Variants in KCTD8 observed in about 807,000 individuals in gnomAD.
The protein encoded by KCTD8 is BTB/POZ domain-containing protein KCTD8.
In KCTD8, 27 loss-of-function variants were observed where a neutral mutation model predicts 31.5. The ratio of observed to expected loss-of-function variants is 0.86; its 90% CI spans 0.63 to 1.18. KCTD8 has a LOEUF of 1.18. Ranked by LOEUF, KCTD8 falls within the 50% of genes most tolerant of loss-of-function variation. The pLI is 0.00. For synonymous variants in KCTD8, 290 were observed against 280.0 expected, an observed-to-expected ratio of 1.04 and a Z score of -0.36; for missense variants, 658 against 647.7, an observed-to-expected ratio of 1.02 and a Z score of -0.17.
chr4:44,312,478 G>A (rs1433702524), intron 1 of KCTD8, among the ~76,000 whole-genome samples: 2 of 151,734 alleles, frequency 1.3e-5, no homozygotes, highest in Non-Finnish European at 2.9e-5. Context: ...TCTAATGCAA[G>A]AGTAAATAAA....
chr4:44,313,133 A>G (rs1158407991), intron 1 of KCTD8, among the ~76,000 whole-genome samples: 5 of 152,152 alleles, frequency 3.3e-5, no homozygotes, highest in Non-Finnish European at 7.4e-5. Context: ...ATGTATTCTG[A>G]AGAACTCCAT....
chr4:44,371,907 T>C (rs1719796291), intron 1 of KCTD8, among the ~76,000 whole-genome samples: 2 of 152,210 alleles, frequency 1.3e-5, no homozygotes, highest in African/African-American at 4.8e-5. Flanking sequence ...AGCCTTGTTT[T>C]CTTTCCATCC....
chr4:44,199,824 T>C (rs1390919007), intron 1 of KCTD8, among the ~76,000 whole-genome samples: 1 of 151,308 alleles, frequency 6.6e-6, no homozygotes, highest in Non-Finnish European at 1.5e-5. Context: ...TGAATGAAAC[T>C]GAGATGCAAA....
intron 1 of KCTD8, among the ~76,000 whole-genome samples, chr4:44,221,228 A>G (rs1230195448): frequency 6.6e-6 from 1 of 152,152 alleles, no homozygotes; most frequent in Non-Finnish European, 1.5e-5. Flanking sequence ...TTAAGCTTTG[A>G]CAGCCCAGGA....
At chr4:44,438,911 A>C (rs1577672651) in intron 1 of KCTD8, among the ~76,000 whole-genome samples, 1 of 152,210 alleles carries the variant, frequency 6.6e-6, no homozygotes, top group African/African-American at 2.4e-5. Flanking sequence ...TCCTCATAAC[A>C]AAGCTTTAAA....
intron 1 of KCTD8, among the ~76,000 whole-genome samples, chr4:44,433,992 A>G (rs1721577259): frequency 6.6e-6 from 1 of 151,868 alleles, no homozygotes; most frequent in African/African-American, 2.4e-5. Context: ...ACATTCTGAT[A>G]TAAAATCCTT....
chr4:44,359,564 GTAAAA>G (rs1364256072), intron 1 of KCTD8, among the ~76,000 whole-genome samples: 6 of 152,090 alleles, frequency 3.9e-5, no homozygotes, highest in Non-Finnish European at 5.9e-5. Flanking sequence ...TTGTACTGAA[GTAAAA>G]TAAAATTCAG....
At chr4:44,420,470 C>G (rs1017515784) in intron 1 of KCTD8, among the ~76,000 whole-genome samples, 1 of 152,146 alleles carries the variant, frequency 6.6e-6, no homozygotes, top group African/African-American at 2.4e-5. Flanking sequence ...AGAGGCCATA[C>G]AGACTTGGTC....
At chr4:44,249,833 A>T (rs2109360870) in intron 1 of KCTD8, among the ~76,000 whole-genome samples, 1 of 149,630 alleles carries the variant, frequency 6.7e-6, no homozygotes, top group Admixed American at 6.7e-5. Context: ...CTCTACTAGT[A>T]TATTACAGAT....
At chr4:44,253,369 C>T (rs928419601) in intron 1 of KCTD8, among the ~76,000 whole-genome samples, 3 of 151,614 alleles carry the variant, frequency 2.0e-5, no homozygotes, top group Non-Finnish European at 4.4e-5. Flanking sequence ...TAATAAATTA[C>T]AATTTTGAAA....
At chr4:44,182,137 G>A (rs541292165) in intron 1 of KCTD8, among the ~76,000 whole-genome samples, 1,980 of 150,586 alleles carry the variant, frequency 0.013, 43 homozygotes, top group African/African-American at 0.044. Flanking sequence ...GTCAGCCCCC[G>A]CCCGGCCAGC....
chr4:44,419,500 A>T (rs1264371834), intron 1 of KCTD8, among the ~76,000 whole-genome samples: 1 of 152,176 alleles, frequency 6.6e-6, no homozygotes, highest in Non-Finnish European at 1.5e-5. Context: ...TATGGGGTAC[A>T]TGTGCCACAT....
intron 1 of KCTD8, among the ~76,000 whole-genome samples, chr4:44,229,199 AG>A (rs2109351659): frequency 6.6e-6 from 1 of 152,248 alleles, no homozygotes; most frequent in African/African-American, 2.4e-5. Flanking sequence ...GAGGCAGGAG[AG>A]GGCTCTCCCC....
intron 1 of KCTD8, among the ~76,000 whole-genome samples, chr4:44,380,887 T>A (rs1720047117): frequency 6.6e-6 from 1 of 152,036 alleles, no homozygotes; most frequent in Non-Finnish European, 1.5e-5. Context: ...CCACAAAATG[T>A]GAAGACTCTC....
intron 1 of KCTD8, among the ~76,000 whole-genome samples, chr4:44,440,550 G>A (rs937302096): frequency 1.3e-5 from 2 of 152,134 alleles, no homozygotes; most frequent in Admixed American, 6.6e-5. Context: ...AGCCTGGTAG[G>A]TTGTTCAATA....
chr4:44,236,596 G>A (rs1438651994), intron 1 of KCTD8, among the ~76,000 whole-genome samples: 1 of 152,022 alleles, frequency 6.6e-6, no homozygotes, highest in African/African-American at 2.4e-5. Context: ...AAAAAAAGTG[G>A]AAACTCTTCT....
intron 1 of KCTD8, among the ~76,000 whole-genome samples, chr4:44,356,894 A>T (rs1719356902): frequency 6.6e-6 from 1 of 152,124 alleles, no homozygotes; most frequent in Non-Finnish European, 1.5e-5. Context: ...GATATTGATG[A>T]CCATCATGCC....
At chr4:44,222,848 G>C (rs1175175033) in intron 1 of KCTD8, among the ~76,000 whole-genome samples, 6 of 152,106 alleles carry the variant, frequency 3.9e-5, no homozygotes, top group Admixed American at 1.3e-4. Context: ...ACTATTATTA[G>C]GAAACAACAG....
chr4:44,369,974 T>C (rs1719741065), intron 1 of KCTD8, among the ~76,000 whole-genome samples: 1 of 152,220 alleles, frequency 6.6e-6, no homozygotes, highest in Admixed American at 6.5e-5. Context: ...GACACATTTC[T>C]TGAATTAAAA....
Sources: gnomAD v4.1 joint callset for allele counts (sites outside exome capture counted in the v4.1 genomes callset) on GRCh38, gnomAD v4.1.1 for gene constraint, MANE v1.5 for transcripts, NCBI Gene and HGNC (gene_info 2026-07-23, HGNC 2026-07-21) for gene names.